Variants in FGGY observed in about 807,000 individuals in gnomAD.
The protein encoded by FGGY is FGGY carbohydrate kinase domain-containing protein.
FGGY carries 72 observed loss-of-function variants against 71.3 expected under a neutral mutation model. That is an observed-to-expected ratio of 1.01 (90% confidence interval 0.84 to 1.23). The LOEUF (loss-of-function observed/expected upper bound fraction) is 1.23. FGGY is among the 50% of genes most tolerant of loss of function. The probability of loss-of-function intolerance (pLI) is 0.00; values close to 1 mark genes in which losing one functional copy is unlikely to be tolerated. For missense variants in FGGY, 668 were observed against 682.3 expected, an observed-to-expected ratio of 0.98 and a Z score of 0.23; for synonymous variants, 251 against 250.3, an observed-to-expected ratio of 1.00 and a Z score of -0.02.
intron 14 of FGGY, among the ~76,000 whole-genome samples, chr1:59,725,622 T>G (rs1182679878): frequency 2.6e-5 from 4 of 151,420 alleles, no homozygotes; most frequent in African/African-American, 9.7e-5. Flanking sequence ...GGGTTTTTTT[T>G]GTTTTTTGTT....
chr1:59,760,449 A>G (rs1339545805), intron 15 of FGGY, among the ~76,000 whole-genome samples: 1 of 152,218 alleles, frequency 6.6e-6, no homozygotes, highest in Non-Finnish European at 1.5e-5. Context: ...CTGAGTATAT[A>G]CCCAAAAGAA....
intron 12 of FGGY, among the ~76,000 whole-genome samples, chr1:59,665,381 T>G (rs900571487): frequency 6.6e-6 from 1 of 152,200 alleles, no homozygotes; most frequent in Non-Finnish European, 1.5e-5. Context: ...CTAATCCATA[T>G]TTTTACCAGA....
At chr1:59,508,278 C>G (rs765680402) in intron 6 of FGGY, among the ~76,000 whole-genome samples, 15 of 152,136 alleles carry the variant, frequency 9.9e-5, no homozygotes, top group Admixed American at 1.3e-4. Flanking sequence ...TGTCCCAAAC[C>G]ACAATATGAG....
intron 6 of FGGY, among the ~76,000 whole-genome samples, chr1:59,480,888 A>G (rs1306334783): frequency 6.6e-6 from 1 of 152,164 alleles, no homozygotes; most frequent in South Asian, 2.1e-4. Context: ...TAGCCTCTAA[A>G]TGAGGTCTTA....
At chr1:59,618,588 T>A (rs548422091) in intron 9 of FGGY, among the ~76,000 whole-genome samples, 3 of 152,238 alleles carry the variant, frequency 2.0e-5, no homozygotes, top group Admixed American at 2.0e-4. Flanking sequence ...ACAAATACAG[T>A]TGGCAGGCTT....
intron 6 of FGGY, among the ~76,000 whole-genome samples, chr1:59,467,552 C>G (rs1249739246): frequency 6.6e-6 from 1 of 151,546 alleles, no homozygotes; most frequent in African/African-American, 2.4e-5. Flanking sequence ...TTATCCCTTT[C>G]TTTGATCTTA....
intron 7 of FGGY, among the ~76,000 whole-genome samples, chr1:59,518,646 GTTGT>G (rs1259583953): frequency 6.6e-6 from 1 of 152,082 alleles, no homozygotes; most frequent in Non-Finnish European, 1.5e-5. Flanking sequence ...TTCAGATCTG[GTTGT>G]TTAATAGTGT....
intron 5 of FGGY, among the ~76,000 whole-genome samples, chr1:59,383,590 T>C (rs766727848): frequency 2.0e-5 from 3 of 152,036 alleles, no homozygotes; most frequent in African/African-American, 4.8e-5. Flanking sequence ...AGCCAACCAA[T>C]ACTAACATCA....
chr1:59,575,758 T>C (rs2153742105), intron 8 of FGGY, among the ~76,000 whole-genome samples: 1 of 152,346 alleles, frequency 6.6e-6, no homozygotes, highest in Non-Finnish European at 1.5e-5. Context: ...CTAAACTTTC[T>C]TATTTTTTTA....
chr1:59,703,008 G>A (rs2097722858), intron 14 of FGGY, among the ~76,000 whole-genome samples: 1 of 152,158 alleles, frequency 6.6e-6, no homozygotes. Flanking sequence ...TTATTCTAAA[G>A]TGATCTGAGA....
chr1:59,761,994 A>G (rs570699031), intron 15 of FGGY, among the ~76,000 whole-genome samples: 1 of 152,204 alleles, frequency 6.6e-6, no homozygotes, highest in African/African-American at 2.4e-5. Flanking sequence ...TTGAAGTCAG[A>G]CAGACATGAG....
At chr1:59,672,502 C>T (rs1473038806) in intron 13 of FGGY, among the ~76,000 whole-genome samples, 1 of 152,210 alleles carries the variant, frequency 6.6e-6, no homozygotes, top group African/African-American at 2.4e-5. Flanking sequence ...GGACACAGAG[C>T]TAGTGGAACC....
intron 6 of FGGY, among the ~76,000 whole-genome samples, chr1:59,467,997 G>A (rs183708898): frequency 3.8e-4 from 58 of 151,700 alleles, no homozygotes; most frequent in Admixed American, 3.1e-3. Flanking sequence ...TCTGCCTCCC[G>A]GTTTCAAGTG....
intron 5 of FGGY, among the ~76,000 whole-genome samples, chr1:59,387,484 T>C (rs2153368569): frequency 6.6e-6 from 1 of 152,332 alleles, no homozygotes; most frequent in South Asian, 2.1e-4. Flanking sequence ...TGTCAATTAC[T>C]AATTATGACA....
At chr1:59,371,266 G>T (rs2057576489) in intron 4 of FGGY, among the ~76,000 whole-genome samples, 1 of 152,042 alleles carries the variant, frequency 6.6e-6, no homozygotes, top group Non-Finnish European at 1.5e-5. Context: ...CCTAGTCTCT[G>T]ATAAAACAGA....
chr1:59,633,171 C>T (rs1029673500), intron 10 of FGGY, among the ~76,000 whole-genome samples: 61 of 152,050 alleles, frequency 4.0e-4, no homozygotes, highest in African/African-American at 6.0e-4. Flanking sequence ...CCACCGCGCC[C>T]GGCTAATTTT....
chr1:59,590,875 G>A (rs938049935), intron 8 of FGGY, among the ~76,000 whole-genome samples: 4 of 152,076 alleles, frequency 2.6e-5, no homozygotes, highest in Non-Finnish European at 5.9e-5. Flanking sequence ...TTGAAAACTG[G>A]CACAAGACAG....
chr1:59,701,877 A>G (rs1479869270), intron 14 of FGGY, among the ~76,000 whole-genome samples: 1 of 152,194 alleles, frequency 6.6e-6, no homozygotes, highest in East Asian at 1.9e-4. Context: ...GTATAAATGA[A>G]TGAATCAGTG....
chr1:59,592,886 ATAAC>A (rs1423112448), intron 8 of FGGY, among the ~76,000 whole-genome samples: 3 of 152,170 alleles, frequency 2.0e-5, no homozygotes, highest in Non-Finnish European at 2.9e-5. Flanking sequence ...GTATACATAT[ATAAC>A]TAACCGGCAC....
Sources: gnomAD v4.1 joint callset for allele counts (sites outside exome capture counted in the v4.1 genomes callset) on GRCh38, gnomAD v4.1.1 for gene constraint, MANE v1.5 for transcripts, NCBI Gene and HGNC (gene_info 2026-07-23, HGNC 2026-07-21) for gene names.